The following LRP1 variants were observed in gnomAD, a reference collection of about 807,000 sequenced individuals.
The protein encoded by LRP1 is LDL receptor related protein 1.
LRP1 carries 51 observed loss-of-function variants against 541.5 expected under a neutral mutation model. That is an observed-to-expected ratio of 0.09 (90% CI 0.08 to 0.12). LRP1 has a LOEUF of 0.12. Among genes scored for constraint, LRP1 ranks in the 10% least tolerant of loss-of-function variants. LRP1 has a pLI of 1.00. For synonymous variants in LRP1, 2,219 were observed against 2,470.8 expected (o/e 0.90, Z 3.02); for missense variants, 3,878 against 6,376.2 (o/e 0.61, Z 13.34).
Position 57,177,719 on chromosome 12 carries a change from T to G in LRP1, c.4361+128T>G. The G allele has an allele frequency of 9.0e-7, 1 of 1,112,868 alleles. No homozygotes were observed. The highest frequency in any genetic ancestry group is 1.3e-6 in the Non-Finnish European group (1 of 786,766). The allele number at this position is 1,112,868 out of a possible 1,614,324, so 68.9% of individuals were successfully genotyped here. The stretch of plus-strand genomic sequence containing the variant: ...AGAACTAGGAACGGTGGCAAAGGAC[T>G]GGGCACAGGAGGAGGAGGACGGAGG... On this transcript the variant is annotated intron_variant, in intron 26 of 88. Coordinates refer to ENST00000243077, the MANE Select transcript of LRP1 (RefSeq NM_002332.3). The surrounding 1 kb of genome is among the most constrained non-coding windows in gnomAD (Gnocchi z 6.8).
chr12:57,176,481 C>T (rs1592633401), intron 24 of LRP1, among the ~76,000 whole-genome samples: 1 of 152,170 alleles, frequency 6.6e-6, no homozygotes, highest in Admixed American at 6.5e-5. Flanking sequence ...ATAGTGAGTG[C>T]CCACTGTACA....
At chr12:57,196,329 C>T in intron 55 of LRP1, 52 bp downstream of exon 55, 1 of 1,431,294 alleles carries the variant, frequency 7.0e-7, no homozygotes, top group Non-Finnish European at 9.4e-7. Flanking sequence ...GCCAGGAACG[C>T]CTTTCTCCAC....
rs370218058 is a variant in LRP1, at chr12:57,180,028, C to T, written c.5142-19C>T. 1.9e-6 allele frequency: 3 copies of T among 1,613,730 alleles called. No homozygotes were observed. Among genetic ancestry groups the T allele is most frequent in the Non-Finnish European group, 2.5e-6 (3 of 1,179,782 alleles). Reference sequence around the variant, plus strand: ...AAGAAGAGGACCCTGACCTTTCCCTCTTGGCACCCTCCCCCCAGGAAGCTC... The same window carrying T: ...AAGAAGAGGACCCTGACCTTTCCCTTTTGGCACCCTCCCCCCAGGAAGCTC... On this transcript the variant is annotated intron_variant, in intron 30 of 88. Transcript: ENST00000243077.
In LRP1 at chr12:57,200,706, C is replaced by T. The variant is rs757051314; in HGVS notation, c.10116C>T (p.Phe3372=). The T allele has an allele frequency of 1.1e-5, 17 of 1,613,784 alleles. No homozygotes were observed. In the African/African-American group the frequency reaches 2.0e-4, roughly 19 times the overall value. The change falls in exon 64 of 89, where the codon TTC becomes TTT. Residue 3372 remains phenylalanine (F), a synonymous_variant. Coordinates refer to ENST00000243077, the MANE Select transcript of LRP1 (RefSeq NM_002332.3). ...HSDEPPDCPE[F]KCRPGQFQCS... is the part of the protein sequence containing the mutation. ...AGCCTCCCTCTCTGGCAGCTGAGTT[C>T]AAGTGCCGGCCCGGACAGTTCCAGT...
intron 20 of LRP1, among the ~76,000 whole-genome samples, chr12:57,169,669 G>A (rs1048658724): frequency 6.6e-6 from 1 of 152,234 alleles, no homozygotes; most frequent in Non-Finnish European, 1.5e-5. Flanking sequence ...GCGCTGATGT[G>A]GGAGTTTAGT....
chr12:57,160,676 C>T (rs927368360), intron 12 of LRP1, among the ~76,000 whole-genome samples: 5 of 152,200 alleles, frequency 3.3e-5, no homozygotes, highest in Non-Finnish European at 7.3e-5. Flanking sequence ...CTGCCTTGGT[C>T]TCCACTGCAT....
chr12:57,144,533 A>G (rs2035359632), intron 4 of LRP1: 1 of 165,862 alleles, frequency 6.0e-6, no homozygotes, highest in South Asian at 1.6e-4. Context: ...CTAAAACTGC[A>G]TCCCTGCCAT....
rs778738138 is a variant in LRP1 at position 57,194,362 on chromosome 12, G to A, written c.7927G>A (p.Asp2643Asn). 9.3e-6 allele frequency: 14 copies of A among 1,510,654 alleles called. No individual in the cohort carries two copies. The highest frequency in any genetic ancestry group is 1.3e-5 in the South Asian group (1 of 74,552). The allele number at this position is 1,510,654 out of a possible 1,614,324, so 93.6% of individuals were successfully genotyped here. The change falls in exon 49 of 89, where the codon GAC becomes AAC. Residue 2643 changes from aspartate to asparagine, a missense_variant. Asp to Asn is a conservative substitution (Grantham distance 23). Coordinates refer to ENST00000243077, the MANE Select transcript of LRP1 (RefSeq NM_002332.3). The part of the protein sequence containing the change: ...ASDEMNCSAT[D>N]CSSYFRLGVK... ...ACCCCTGCCCCCACCAGGTGCCACC[G>A]ACTGCAGCAGCTACTTCCGCCTGGG...
At chr12:57,186,063 T>C (rs879335054) in intron 41 of LRP1, among the ~76,000 whole-genome samples, 155 bp downstream of exon 41, 8 of 152,102 alleles carry the variant, frequency 5.3e-5, no homozygotes, top group Admixed American at 1.3e-4. Context: ...ACATGACTCC[T>C]GATTTGGAGT....
In LRP1 at chr12:57,201,654, C is replaced by CCAGT; in HGVS notation, c.10468+36_10468+39dup. 6.2e-7 allele frequency: 1 copy of CCAGT among 1,603,662 alleles called. No homozygotes were observed. Among genetic ancestry groups the CCAGT allele is most frequent in the African/African-American group, 1.3e-5 (1 of 74,886 alleles). On this transcript the variant is annotated intron_variant, in intron 66 of 88. Transcript: ENST00000243077. This position sits in a 1 kb window ranked among gnomAD's most constrained non-coding sequence, Gnocchi z 6.4. The stretch of plus-strand genomic sequence containing the variant: ...CTGGCCTGGAGCCCAGCTTCCCTCC[C>CCAGT]CAGTGTCTGCTGCTCACACCACCCC...
Position 57,212,468 on chromosome 12 carries a change from C to G in LRP1, c.13548C>G (p.Gly4516=). ...VYATLYMGGH[G]SRHSLASTDE... ...CCACACTCTACATGGGGGGCCATGG[C>G]AGTCGCCACTCCCTGGCCAGCACGG... Residue 4516 remains glycine, a synonymous_variant, in exon 89 of 89, where the codon GGC becomes GGG. Transcript: ENST00000243077. This position sits in a 1 kb window ranked among gnomAD's most constrained non-coding sequence, Gnocchi z 5.0. 6.2e-7 allele frequency: 1 copy of G among 1,614,120 alleles called. No individual in the cohort carries two copies. Among genetic ancestry groups the G allele is most frequent in the Non-Finnish European group, 8.5e-7 (1 of 1,180,004 alleles).
At chr12:57,180,836 G>A in intron 33 of LRP1, 29 bp downstream of exon 33, 1 of 1,610,942 alleles carries the variant, frequency 6.2e-7, no homozygotes, top group Non-Finnish European at 8.5e-7. Context: ...GGCCGCTGGG[G>A]GCTCAGGGGC....
At chr12:57,194,315 G>T in intron 48 of LRP1, 39 bp from the exon 49 acceptor site, 1 of 1,504,846 alleles carries the variant, frequency 6.6e-7, no homozygotes. Flanking sequence ...GGGTGATCCA[G>T]GGGGAACCAG....
Position 57,205,851 on chromosome 12 carries a change from C to A in LRP1, c.11590+174C>A. ...TGCTGGCCCAGCAGTGGGGGCAGGT[C>A]CTGGGGCTGGCTGACTGAAGGAGTC... is the stretch of plus-strand genomic sequence containing the variant. On this transcript the variant is annotated intron_variant, in intron 75 of 88. Transcript: ENST00000243077. The surrounding 1 kb of genome is among the most constrained non-coding windows in gnomAD (Gnocchi z 4.6). 2 of 998,170 alleles carry A rather than the reference C, an allele frequency of 2.0e-6. No homozygotes were observed. The highest frequency in any genetic ancestry group is 1.7e-5 in the South Asian group (1 of 59,914). 61.8% of individuals were successfully genotyped at this position (998,170 alleles called of 1,614,324 possible). A position where few individuals can be genotyped will look rare whatever the true frequency, so the allele number is the denominator to read the frequency against.
At position 57,183,661 on chromosome 12, in the gene LRP1, AG is replaced by A. The variant is rs1265365177; in HGVS notation, c.5795-113del. 1 of 1,506,624 alleles carries A rather than the reference AG, an allele frequency of 6.6e-7. No homozygotes were observed. The highest frequency in any genetic ancestry group is 9.0e-7 in the Non-Finnish European group (1 of 1,112,292). 93.3% of individuals were successfully genotyped at this position (1,506,624 alleles called of 1,614,324 possible). On this transcript the variant is annotated intron_variant, in intron 35 of 88. Coordinates refer to ENST00000243077, the MANE Select transcript of LRP1 (RefSeq NM_002332.3). This position sits in a 1 kb window ranked among gnomAD's most constrained non-coding sequence, Gnocchi z 6.1. The stretch of plus-strand genomic sequence containing the variant: ...CCACCCTGACTCCACCTCCCCTTCA[AG>A]CACCTGGCCCCTCCGGCACTCTCTC...
intron 62 of LRP1, 78 bp from the exon 63 acceptor site, chr12:57,200,364 C>T: frequency 1.1e-6 from 1 of 916,216 alleles, no homozygotes; most frequent in Non-Finnish European, 1.8e-6. Flanking sequence ...TTCTTTGAAA[C>T]ATCCAAGCCC....
intron 33 of LRP1, 138 bp from the exon 34 acceptor site, chr12:57,181,019 G>A: frequency 8.0e-7 from 1 of 1,256,316 alleles, no homozygotes; most frequent in Non-Finnish European, 1.1e-6. Flanking sequence ...CAGAAAACCT[G>A]AGAGCTGGGT....
At chr12:57,149,744 G>T in intron 6 of LRP1, 1 of 725,286 alleles carries the variant, frequency 1.4e-6, no homozygotes, top group East Asian at 2.6e-5. Context: ...CAGACTGGCT[G>T]GTGGAAGGAA....
chr12:57,194,641 G>A lies in LRP1; in HGVS notation c.8133G>A (p.Met2711Ile). Residue 2711 changes from methionine (M) to isoleucine (I), a missense_variant, in exon 50 of 89, where the codon ATG becomes ATA. Around this residue, in one of 13 missense-constraint regions of LRP1, gnomAD observed 1,100 missense variants for 1,827.4 expected, o/e 0.60. Coordinates refer to ENST00000243077, the MANE Select transcript of LRP1 (RefSeq NM_002332.3). ...GCCCTAGTGGGCGCTGCATCCCCAT[G>A]AGCTGGACGTGTGACAAAGAGGATG... is the stretch of plus-strand genomic sequence containing the variant. ...FACPSGRCIP[M>I]SWTCDKEDDC... is the part of the protein sequence containing the mutation. 2 of 1,606,040 alleles carry A rather than the reference G, an allele frequency of 1.2e-6. No individual in the cohort carries two copies. Among genetic ancestry groups the A allele is most frequent in the South Asian group, 1.1e-5 (1 of 90,212 alleles).
Sources: allele counts gnomAD v4.1 joint callset (sites outside exome capture counted in the v4.1 genomes callset), GRCh38; gene constraint gnomAD v4.1.1; regional missense constraint gnomAD v4.1.1; non-coding constraint Gnocchi (gnomAD v3.1); transcripts MANE v1.5; gene names NCBI Gene and HGNC (gene_info 2026-07-23, HGNC 2026-07-21).